TADA3: variants seen among roughly 807,000 people sequenced by gnomAD.
TADA3 encodes the protein transcriptional adaptor 3.
In TADA3, 25 loss-of-function variants were observed where a neutral mutation model predicts 43.2. The ratio of observed to expected loss-of-function variants is 0.58; its 90% CI spans 0.42 to 0.81. TADA3 has a LOEUF of 0.81. Among genes scored for constraint, TADA3 ranks in the 30% least tolerant of loss-of-function variants. The pLI, the probability that TADA3 is intolerant of heterozygous loss-of-function variation, is 0.00. For missense variants in TADA3, 441 were observed against 567.8 expected, an observed-to-expected ratio of 0.78 and a Z score of 2.27; for synonymous variants, 235 against 225.5, an observed-to-expected ratio of 1.04 and a Z score of -0.38.
intron 4 of TADA3, 95 bp downstream of exon 4, chr3:9,789,414 A>G: frequency 8.6e-7 from 1 of 1,159,354 alleles, no homozygotes. Flanking sequence ...AGGGTTGGGG[A>G]AGGAAGATGA....
At chr3:9,785,025 G>A (rs747332235) in intron 7 of TADA3, among the ~76,000 whole-genome samples, 2 of 152,156 alleles carry the variant, frequency 1.3e-5, no homozygotes, top group African/African-American at 4.8e-5. Flanking sequence ...GCAGCTATAT[G>A]ATTAATAGCC....
intron 4 of TADA3, chr3:9,787,782 T>C: frequency 2.6e-6 from 3 of 1,163,044 alleles, no homozygotes; most frequent in Non-Finnish European, 3.4e-6. Flanking sequence ...CAAAGTGTTG[T>C]GGCAGCACAA....
intron 1 of TADA3, 130 bp from the exon 2 acceptor site, chr3:9,791,623 C>T (rs2078736444): frequency 1.7e-6 from 1 of 592,922 alleles, no homozygotes; most frequent in East Asian, 2.8e-5. Context: ...GGCACAGTTC[C>T]TACTCACAGG....
At chr3:9,783,960 A>T (rs939587763) in intron 8 of TADA3, 68 bp downstream of exon 8, 2 of 1,525,600 alleles carry the variant, frequency 1.3e-6, no homozygotes, top group African/African-American at 2.8e-5. Context: ...AAAACCCCTG[A>T]AAGGTGACTA....
chr3:9,788,123 A>G lies in TADA3; in HGVS notation c.565-783T>C, dbSNP rs77867448. 160 of 203,214 alleles carry G rather than the reference A, an allele frequency of 7.9e-4. 1 individual carries two copies. In the East Asian group the frequency reaches 0.02, roughly 25 times the overall value. The allele number at this position is 203,214 out of a possible 1,614,324, so 12.6% of individuals were successfully genotyped here. A position where few individuals can be genotyped will look rare whatever the true frequency, so the allele number is the denominator to read the frequency against. ...AAAGGCCTGGATGCAGCGCCATGTCATGAGCACATCTGATCATGACAGCTC... is the reference window on the plus strand; with the variant it reads ...AAAGGCCTGGATGCAGCGCCATGTCGTGAGCACATCTGATCATGACAGCTC... On this transcript the variant is annotated intron_variant, in intron 4 of 8. Transcript: ENST00000301964.
In TADA3 at chr3:9,780,224, G is replaced by A. The variant is rs1275524555; in HGVS notation, c.*133C>T. On this transcript the variant is annotated 3_prime_UTR_variant, in exon 9 of 9. Transcript: ENST00000301964. ...GCTAGGCCAAAAGACCTCAGGGGAA[G>A]GGCCACGGCCCTCTAGAGACTGCCG... 7.5e-6 allele frequency: 7 copies of A among 937,418 alleles called. No homozygotes were observed. The Admixed American group carries it at 1.9e-4, about 26-fold the overall frequency. 58.1% of individuals were successfully genotyped at this position (937,418 alleles called of 1,614,324 possible).
intron 7 of TADA3, among the ~76,000 whole-genome samples, chr3:9,784,494 G>C (rs1037977033): frequency 1.3e-5 from 2 of 152,058 alleles, no homozygotes; most frequent in South Asian, 2.1e-4. Flanking sequence ...ATATATTCCA[G>C]ATTTTGTTAT....
upstream of TADA3, chr3:9,792,934 A>G: frequency 7.1e-7 from 1 of 1,400,434 alleles, no homozygotes; most frequent in South Asian, 1.5e-5. Flanking sequence ...AAAAATACCG[A>G]GACAGCCCTA....
intron 4 of TADA3, among the ~76,000 whole-genome samples, chr3:9,788,390 C>T (rs183262356): frequency 3.3e-5 from 5 of 151,890 alleles, no homozygotes; most frequent in African/African-American, 7.2e-5. Context: ...GGACTACAGG[C>T]GCCCGCCACC....
chr3:9,785,495 C>G, intron 6 of TADA3, 70 bp from the exon 7 acceptor site: 3 of 1,045,338 alleles, frequency 2.9e-6, no homozygotes, highest in South Asian at 2.9e-5. Context: ...CTGACCTACA[C>G]TGACAGTCTT....
chr3:9,788,685 G>A (rs2078672862), intron 4 of TADA3, among the ~76,000 whole-genome samples: 1 of 151,808 alleles, frequency 6.6e-6, no homozygotes, highest in South Asian at 2.1e-4. Flanking sequence ...GATTACAGGT[G>A]CATGCCACCG....
intron 8 of TADA3, chr3:9,781,712 A>G (rs1334788366): frequency 2.4e-6 from 1 of 419,712 alleles, no homozygotes; most frequent in Non-Finnish European, 5.0e-6. Flanking sequence ...AGTTTTCCAG[A>G]AGGGGAAGGA....
upstream of TADA3, chr3:9,792,625 C>A (rs577530829): frequency 2.6e-4 from 325 of 1,230,908 alleles, 4 homozygotes; most frequent in African/African-American, 4.8e-3. Context: ...AGCCCCGGGG[C>A]ACAGCCCGGG....
At chr3:9,792,901 T>C (rs761800591), upstream of TADA3, 66 of 1,397,664 alleles carry the variant, frequency 4.7e-5, no homozygotes, top group Non-Finnish European at 5.8e-5. Flanking sequence ...GGAGCTTAAA[T>C]AGTGACTCGA....
In TADA3 at chr3:9,789,565, C is replaced by G; in HGVS notation, c.508G>C (p.Val170Leu). 6.2e-7 allele frequency: 1 copy of G among 1,614,200 alleles called. No individual in the cohort carries two copies. The highest frequency in any genetic ancestry group is 8.5e-7 in the Non-Finnish European group (1 of 1,180,042). ...TTCAGTAACTCCTCAAGTGTGCGGA[C>G]CTCCTCGCTGGTGATGTCAGCACAG... ...PYCADITSEE[V>L]RTLEELLKPP... Residue 170 changes from valine (V) to leucine (L), a missense_variant, in exon 4 of 9, where the codon GTC becomes CTC. By Grantham distance (32) the Val-to-Leu change is conservative. Coordinates refer to ENST00000301964, the MANE Select transcript of TADA3 (RefSeq NM_006354.5).
intron 6 of TADA3, among the ~76,000 whole-genome samples, chr3:9,785,687 T>C (rs1301337739): frequency 1.3e-5 from 2 of 152,208 alleles, no homozygotes; most frequent in African/African-American, 4.8e-5. Flanking sequence ...AGCTAAGGTT[T>C]GTGAAGCGTC....
intron 6 of TADA3, 98 bp downstream of exon 6, chr3:9,786,908 C>G (rs1012982363): frequency 2.6e-6 from 3 of 1,172,504 alleles, no homozygotes; most frequent in Admixed American, 4.2e-5. Context: ...TATTTTTGCA[C>G]CAACCTAATA....
At chr3:9,780,928 CAGG>C (rs2078445367) in intron 8 of TADA3, among the ~76,000 whole-genome samples, 1 of 152,110 alleles carries the variant, frequency 6.6e-6, no homozygotes, top group Admixed American at 6.5e-5. Context: ...CACTTGAGCC[CAGG>C]AGTTCGAGAC....
At chr3:9,783,850 C>T (rs1668703840) in intron 8 of TADA3, 178 bp downstream of exon 8, 1 of 1,136,056 alleles carries the variant, frequency 8.8e-7, no homozygotes, top group Non-Finnish European at 1.2e-6. Context: ...TCTGTGGAAT[C>T]AGAATTTGTT....
Sources: gnomAD v4.1 joint callset for allele counts (sites outside exome capture counted in the v4.1 genomes callset) on GRCh38, gnomAD v4.1.1 for gene constraint, MANE v1.5 for transcripts, NCBI Gene and HGNC (gene_info 2026-07-23, HGNC 2026-07-21) for gene names.